Variants in TMEM131 observed in about 807,000 individuals in gnomAD.
The protein encoded by TMEM131 is 2610524E03Rik.
TMEM131 carries 66 observed loss-of-function variants against 211.6 expected under a neutral mutation model. The ratio of observed to expected loss-of-function variants is 0.31; its 90% CI spans 0.26 to 0.38. The LOEUF (loss-of-function observed/expected upper bound fraction) is 0.38. Ranked by LOEUF, TMEM131 falls within the 10% of genes least tolerant of loss-of-function variation. The pLI is 1.00. For missense variants in TMEM131, 2,036 were observed against 2,299.3 expected (o/e 0.89, Z 2.34); for synonymous variants, 844 against 841.3 (o/e 1.00, Z -0.06).
At chr2:97,793,787 G>A (rs1184482436) in intron 29 of TMEM131, among the ~76,000 whole-genome samples, 1 of 151,806 alleles carries the variant, frequency 6.6e-6, no homozygotes, top group Non-Finnish European at 1.5e-5. Flanking sequence ...GAGGTCAGGA[G>A]ATCGACACCA....
At chr2:97,767,712 A>C (rs1372531354) in intron 33 of TMEM131, among the ~76,000 whole-genome samples, 2 of 152,190 alleles carry the variant, frequency 1.3e-5, no homozygotes, top group Non-Finnish European at 2.9e-5. Flanking sequence ...AAATGGATGC[A>C]TCGCCGGCAT....
chr2:97,861,014 T>C (rs1016365557), intron 4 of TMEM131, among the ~76,000 whole-genome samples: 3 of 152,108 alleles, frequency 2.0e-5, no homozygotes, highest in African/African-American at 7.2e-5. Flanking sequence ...ACTGTGAGAC[T>C]TTGCCATGAA....
intron 11 of TMEM131, among the ~76,000 whole-genome samples, chr2:97,823,645 G>A (rs757685970): frequency 6.6e-6 from 1 of 152,146 alleles, no homozygotes; most frequent in Non-Finnish European, 1.5e-5. Flanking sequence ...AAGATCATGG[G>A]GACTGGAGTT....
chr2:97,818,577 C>CTGAT, intron 12 of TMEM131, 36 bp downstream of exon 12: 1 of 1,322,788 alleles, frequency 7.6e-7, no homozygotes. Context: ...ATCAAAATAA[C>CTGAT]ATCACTCTAT....
chr2:97,838,166 G>T lies in TMEM131; in HGVS notation c.724-1009C>A, dbSNP rs375731303. 6.6e-5 allele frequency among the ~76,000 whole-genome samples: 10 copies of T among 152,276 alleles called. No individual in the cohort carries two copies. The South Asian group carries it at 8.3e-4, about 13-fold the overall frequency. On this transcript the variant is annotated intron_variant, in intron 7 of 40. Transcript: ENST00000186436. ...TAAAGAGAAAGCTGCTGTGGATACT[G>T]AGTACAAGTCTTGGTGTGGTCATCT...
chr2:97,823,230 A>C (rs1313333937), intron 11 of TMEM131, among the ~76,000 whole-genome samples: 1 of 151,984 alleles, frequency 6.6e-6, no homozygotes, highest in Non-Finnish European at 1.5e-5. Context: ...CAAGCAAAGA[A>C]ATCTCCAAGG....
At chr2:97,864,948 C>T (rs1573477795) in intron 4 of TMEM131, among the ~76,000 whole-genome samples, 2 of 152,234 alleles carry the variant, frequency 1.3e-5, no homozygotes, top group East Asian at 3.9e-4. Context: ...TCTAACATCT[C>T]TCTCTGGTCC....
intron 4 of TMEM131, among the ~76,000 whole-genome samples, chr2:97,868,145 C>G (rs894659681): frequency 6.6e-6 from 1 of 151,874 alleles, no homozygotes; most frequent in Non-Finnish European, 1.5e-5. Flanking sequence ...TAAATTAACC[C>G]CTCTATATTT....
chr2:97,842,316 G>A (rs1683235382), intron 6 of TMEM131, among the ~76,000 whole-genome samples: 1 of 152,168 alleles, frequency 6.6e-6, no homozygotes. Context: ...TCCCACATGG[G>A]ATGGCCCTAG....
intron 25 of TMEM131, among the ~76,000 whole-genome samples, chr2:97,800,856 C>A (rs1025703657): frequency 1.3e-5 from 2 of 152,202 alleles, no homozygotes; most frequent in Admixed American, 6.5e-5. Flanking sequence ...TGGCATCTTA[C>A]AGATGGGAAA....
intron 5 of TMEM131, among the ~76,000 whole-genome samples, chr2:97,850,996 G>A (rs961381104): frequency 1.8e-4 from 27 of 151,012 alleles, no homozygotes; most frequent in African/African-American, 3.4e-4. Flanking sequence ...TGCCACTATC[G>A]GAACTGGACA....
chr2:97,946,141 A>T (rs1333568913), intron 1 of TMEM131, among the ~76,000 whole-genome samples: 2 of 152,100 alleles, frequency 1.3e-5, no homozygotes, highest in Non-Finnish European at 2.9e-5. Flanking sequence ...TATGATTGGA[A>T]ATATGGTATA....
chr2:97,902,189 G>A lies in TMEM131; in HGVS notation c.290+6469C>T, dbSNP rs565240100. Among the ~76,000 whole-genome samples the A allele has an allele frequency of 9.2e-5, 14 of 152,166 alleles. No individual in the cohort carries two copies. The South Asian group carries it at 2.1e-3, about 23-fold the overall frequency. On this transcript the variant is annotated intron_variant, in intron 3 of 40. Coordinates refer to ENST00000186436, the MANE Select transcript of TMEM131 (RefSeq NM_015348.2). The stretch of plus-strand genomic sequence containing the variant: ...GTACAACACAGATGGGTGTGGGGGT[G>A]GGAGAAGGATGAAGAGAAAGATGAA...
intron 35 of TMEM131, 132 bp from the exon 36 acceptor site, chr2:97,762,332 A>G: frequency 2.2e-6 from 2 of 892,798 alleles, no homozygotes; most frequent in Middle Eastern, 2.4e-4. Context: ...AAGCTCTTAG[A>G]TGTGTTCTGT....
intron 15 of TMEM131, 26 bp from the exon 16 acceptor site, chr2:97,812,775 T>TA (rs758613088): frequency 3.4e-5 from 44 of 1,288,044 alleles, no homozygotes; most frequent in South Asian, 5.6e-5. Flanking sequence ...AGAACCAGAT[T>TA]AAAAAAAAGT....
intron 1 of TMEM131, among the ~76,000 whole-genome samples, chr2:97,971,284 T>G (rs1435491260): frequency 6.6e-6 from 1 of 152,096 alleles, no homozygotes; most frequent in Non-Finnish European, 1.5e-5. Flanking sequence ...ACTGAAGTCC[T>G]GACAGGAAAA....
At chr2:97,807,641 A>G (rs13006581) in intron 19 of TMEM131, among the ~76,000 whole-genome samples, 2 of 152,200 alleles carry the variant, frequency 1.3e-5, no homozygotes, top group African/African-American at 4.8e-5. Flanking sequence ...ATAGCAACAC[A>G]AATGGATCCA....
chr2:97,808,016 GT>G (rs1559372215), intron 19 of TMEM131, among the ~76,000 whole-genome samples: 1 of 151,924 alleles, frequency 6.6e-6, no homozygotes, highest in Non-Finnish European at 1.5e-5. Flanking sequence ...GGCCAGAAGT[GT>G]TTTAGATTTT....
At chr2:97,853,151 G>A (rs1478132730) in intron 5 of TMEM131, among the ~76,000 whole-genome samples, 1 of 152,182 alleles carries the variant, frequency 6.6e-6, no homozygotes, top group East Asian at 1.9e-4. Flanking sequence ...TTCAGCCAAG[G>A]ATCAAGGAGT....
Sources: gnomAD v4.1 joint callset for allele counts (sites outside exome capture counted in the v4.1 genomes callset) on GRCh38, gnomAD v4.1.1 for gene constraint, MANE v1.5 for transcripts, NCBI Gene and HGNC (gene_info 2026-07-23, HGNC 2026-07-21) for gene names.